Variants in TANK observed in about 807,000 individuals in gnomAD.
TANK encodes the protein TRAF family member-associated NF-kappa-B activator.
TANK carries 15 observed loss-of-function variants against 43.6 expected under a neutral mutation model. The observed-to-expected ratio is 0.34, with a 90% confidence interval of 0.23 to 0.53. The LOEUF (loss-of-function observed/expected upper bound fraction) is 0.53. TANK is among the 20% of genes least tolerant of loss of function. The probability of loss-of-function intolerance (pLI) is 0.94; values close to 1 mark genes in which losing one functional copy is unlikely to be tolerated. For missense variants in TANK, 417 were observed against 498.6 expected (o/e 0.84, Z 1.56); for synonymous variants, 162 against 178.2 (o/e 0.91, Z 0.73).
chr2:161,235,661 C>A lies in TANK; in HGVS notation c.*143C>A. The A allele has an allele frequency of 1.7e-6, 1 of 586,372 alleles. No individual in the cohort carries two copies. Among genetic ancestry groups the A allele is most frequent in the Non-Finnish European group, 2.7e-6 (1 of 368,536 alleles). 36.3% of individuals were successfully genotyped at this position (586,372 alleles called of 1,614,324 possible). A position where few individuals can be genotyped will look rare whatever the true frequency, so the allele number is the denominator to read the frequency against. ...CTATTTGAATTTTTTTCTGGATTTACTATATAACTCTTATTTTTTAAAAGA... is the reference window on the plus strand; with the variant it reads ...CTATTTGAATTTTTTTCTGGATTTAATATATAACTCTTATTTTTTAAAAGA... On this transcript the variant is annotated 3_prime_UTR_variant, in exon 8 of 8. Coordinates refer to ENST00000392749, the MANE Select transcript of TANK (RefSeq NM_001199135.3).
Position 161,160,470 on chromosome 2 carries a change from C to T in TANK, c.-66C>T. On this transcript the variant is annotated 5_prime_UTR_variant, in exon 1 of 8. Coordinates refer to ENST00000392749, the MANE Select transcript of TANK (RefSeq NM_001199135.3). The stretch of plus-strand genomic sequence containing the variant: ...CGACCTGAGGGGAGAGGGAACGCAG[C>T]TGAAAGCGTGAACTGTGTGAGTAAG... 8.1e-7 allele frequency: 1 copy of T among 1,238,990 alleles called. No homozygotes were observed. The highest frequency in any genetic ancestry group is 1.0e-6 in the Non-Finnish European group (1 of 991,122). The allele number at this position is 1,238,990 out of a possible 1,614,324, so 76.7% of individuals were successfully genotyped here. A position where few individuals can be genotyped will look rare whatever the true frequency, so the allele number is the denominator to read the frequency against.
In TANK at chr2:161,235,581, A is replaced by G; in HGVS notation, c.*63A>G. The G allele has an allele frequency of 1.6e-6, 2 of 1,283,964 alleles. No individual in the cohort carries two copies. The highest frequency in any genetic ancestry group is 2.1e-6 in the Non-Finnish European group (2 of 953,176). 79.5% of individuals were successfully genotyped at this position (1,283,964 alleles called of 1,614,324 possible). ...TGATTTTGGGTTTTTAATACTATAA[A>G]TACTTGATTGTAAACTAAATTCAAG... On this transcript the variant is annotated 3_prime_UTR_variant, in exon 8 of 8. Coordinates refer to ENST00000392749, the MANE Select transcript of TANK (RefSeq NM_001199135.3).
At chr2:161,176,151 T>C (rs889916) in intron 1 of TANK, among the ~76,000 whole-genome samples, 122,366 of 152,102 alleles carry the variant, frequency 0.8, 49,468 homozygotes, top group East Asian at 1. Context: ...GCAAATATTG[T>C]GGAAGATGTA....
intron 4 of TANK, among the ~76,000 whole-genome samples, chr2:161,209,014 G>A (rs1428225215): frequency 6.6e-6 from 1 of 152,100 alleles, no homozygotes; most frequent in Non-Finnish European, 1.5e-5. Flanking sequence ...AGACAAGGGG[G>A]CTGATACTTA....
At chr2:161,201,057 A>G in intron 2 of TANK, 1 of 967,156 alleles carries the variant, frequency 1.0e-6, no homozygotes, top group Non-Finnish European at 1.2e-6. Flanking sequence ...CAATTAGACT[A>G]GAATATTATA....
At chr2:161,180,027 T>C (rs1685350312) in intron 2 of TANK, 1 of 1,094,098 alleles carries the variant, frequency 9.1e-7, no homozygotes, top group Non-Finnish European at 1.1e-6. Flanking sequence ...TAAATAATTT[T>C]AAAATATCAG....
At chr2:161,232,125 GTC>G (rs1299049740) in intron 7 of TANK, among the ~76,000 whole-genome samples, 1 of 152,042 alleles carries the variant, frequency 6.6e-6, no homozygotes, top group African/African-American at 2.4e-5. Flanking sequence ...TTTTTAAATA[GTC>G]TCTGCATGTG....
intron 2 of TANK, among the ~76,000 whole-genome samples, chr2:161,196,489 G>A (rs1330617880): frequency 6.6e-6 from 1 of 152,178 alleles, no homozygotes; most frequent in Non-Finnish European, 1.5e-5. Context: ...CTTGGGCTTT[G>A]TATTCAGGCA....
intron 2 of TANK, among the ~76,000 whole-genome samples, chr2:161,191,565 G>A (rs1459498390): frequency 6.6e-6 from 1 of 152,016 alleles, no homozygotes; most frequent in Non-Finnish European, 1.5e-5. Context: ...TTCATTTTTT[G>A]GATGAGGAAA....
At chr2:161,139,866 C>T in intron 1 of TANK, 1 of 985,424 alleles carries the variant, frequency 1.0e-6, no homozygotes, top group Non-Finnish European at 1.2e-6. Flanking sequence ...ACAGTGCTAG[C>T]TGCAGACCGC....
intron 1 of TANK, chr2:161,161,487 A>G: frequency 6.5e-7 from 1 of 1,535,396 alleles, no homozygotes; most frequent in African/African-American, 1.4e-5. Context: ...ATCCTCAAAT[A>G]ATACAACTAT....
At chr2:161,196,729 G>A (rs1195774419) in intron 2 of TANK, among the ~76,000 whole-genome samples, 8 of 151,940 alleles carry the variant, frequency 5.3e-5, no homozygotes, top group Admixed American at 1.3e-4. Flanking sequence ...ATGCGGGAGC[G>A]CTTGTAATCC....
chr2:161,181,548 C>A (rs1685425634), intron 2 of TANK, among the ~76,000 whole-genome samples: 1 of 152,118 alleles, frequency 6.6e-6, no homozygotes, highest in East Asian at 1.9e-4. Flanking sequence ...AGGAAACTTA[C>A]AATCATGGCA....
chr2:161,140,016 A>G (rs1418271874), intron 1 of TANK: 20 of 794,746 alleles, frequency 2.5e-5, no homozygotes, highest in Non-Finnish European at 3.0e-5. Context: ...CAAAACTAGA[A>G]GGTTAGTATT....
At chr2:161,208,534 T>C (rs181309877) in intron 4 of TANK, among the ~76,000 whole-genome samples, 12 of 152,234 alleles carry the variant, frequency 7.9e-5, no homozygotes, top group East Asian at 3.9e-4. Flanking sequence ...CCCCAAAACT[T>C]AGGGCTTAGA....
intron 4 of TANK, among the ~76,000 whole-genome samples, chr2:161,220,197 T>A (rs1687279618): frequency 6.6e-6 from 1 of 152,252 alleles, no homozygotes; most frequent in African/African-American, 2.4e-5. Context: ...ATATGTATCA[T>A]TGAAAACTAA....
At chr2:161,183,623 GA>G (rs1282351222) in intron 2 of TANK, among the ~76,000 whole-genome samples, 1 of 151,938 alleles carries the variant, frequency 6.6e-6, no homozygotes, top group Non-Finnish European at 1.5e-5. Flanking sequence ...TCCAAAGAAG[GA>G]AAAAGGAAAA....
chr2:161,163,478 T>C (rs1042535717), intron 1 of TANK: 3 of 152,128 alleles, frequency 2.0e-5, no homozygotes, highest in Non-Finnish European at 2.9e-5. Flanking sequence ...TTAAGTAAAA[T>C]GTCTTGCTAT....
chr2:161,181,963 T>C (rs1411121913), intron 2 of TANK, among the ~76,000 whole-genome samples: 2 of 152,158 alleles, frequency 1.3e-5, no homozygotes, highest in East Asian at 1.9e-4. Flanking sequence ...AAGTCTAATA[T>C]GCTAATATTT....
Sources: allele counts gnomAD v4.1 joint callset (sites outside exome capture counted in the v4.1 genomes callset), GRCh38; gene constraint gnomAD v4.1.1; transcripts MANE v1.5; gene names NCBI Gene and HGNC (gene_info 2026-07-23, HGNC 2026-07-21).